The following SCN4B variants were observed in gnomAD, a reference collection of about 807,000 sequenced individuals.
The protein encoded by SCN4B is sodium channel regulatory subunit beta-4.
In SCN4B, 20 loss-of-function variants were observed where a neutral mutation model predicts 19.6. That is an observed-to-expected ratio of 1.02 (90% CI 0.72 to 1.48). SCN4B has a LOEUF of 1.48. Among genes scored for constraint, SCN4B ranks in the 40% most tolerant of loss-of-function variants. The pLI is 0.00. For missense variants in SCN4B, 271 were observed against 287.5 expected (o/e 0.94, Z 0.42); for synonymous variants, 127 against 122.8 (o/e 1.03, Z -0.22).
chr11:118,146,249 G>T (rs1028461750), intron 1 of SCN4B, among the ~76,000 whole-genome samples: 7 of 152,242 alleles, frequency 4.6e-5, no homozygotes, highest in African/African-American at 1.7e-4. Context: ...CTCCACTCAC[G>T]GCCTCCAAAC....
At chr11:118,146,730 A>G (rs1786183) in intron 1 of SCN4B, among the ~76,000 whole-genome samples, 94,480 of 151,996 alleles carry the variant, frequency 0.62, 30,354 homozygotes, top group African/African-American at 0.78. Context: ...TAACAATAGT[A>G]CTAGCTGATA....
rs752829551 is a variant in SCN4B at position 118,145,173 on chromosome 11, C to A, written c.118G>T (p.Asp40Tyr). ...SLEVSVGKAT[D>Y]IYAVNGTEIL... Reference sequence around the variant, plus strand: ...TCCGTGCCATTGACAGCGTAGATGTCGGTGGCCTTTCCCACAGACACCTCC... The same window carrying A: ...TCCGTGCCATTGACAGCGTAGATGTAGGTGGCCTTTCCCACAGACACCTCC... Residue 40 changes from aspartate (D) to tyrosine (Y), a missense_variant, in exon 2 of 5, where the codon GAC becomes TAC. Transcript: ENST00000324727. The A allele has an allele frequency of 1.2e-6, 2 of 1,614,068 alleles. No homozygotes were observed. The highest frequency in any genetic ancestry group is 2.2e-5 in the South Asian group (2 of 91,064).
In SCN4B at chr11:118,152,652, C is replaced by T. The variant is rs149868494; in HGVS notation, c.22G>A (p.Gly8Ser). 334 of 1,611,590 alleles carry T rather than the reference C, an allele frequency of 2.1e-4. 2 individuals are homozygous for T. In the East Asian group the frequency reaches 6.4e-3, roughly 31 times the overall value. MPGAGDGGKAPARWLGTG... is the reference protein window; with the variant it reads MPGAGDGSKAPARWLGTG... Reference sequence around the variant, plus strand: ...CCCAGCCATCTCGCCGGGGCTTTGCCTCCGTCCCCAGCCCCGGGCATAGTC... The same window carrying T: ...CCCAGCCATCTCGCCGGGGCTTTGCTTCCGTCCCCAGCCCCGGGCATAGTC... The change falls in exon 1 of 5, where the codon GGC (glycine) becomes AGC (serine). Residue 8 changes from glycine (G) to serine (S), a missense_variant. Gly to Ser is a moderately conservative substitution (Grantham distance 56, BLOSUM62 0). Coordinates refer to ENST00000324727, the MANE Select transcript of SCN4B (RefSeq NM_174934.4).
At position 118,133,682 on chromosome 11, in the gene SCN4B, G is replaced by A. The variant is rs3741314; in HGVS notation, c.*3345C>T. 31 of 454,570 alleles carry A rather than the reference G, an allele frequency of 6.8e-5. No homozygotes were observed. In the East Asian group the frequency reaches 1.9e-3, roughly 29 times the overall value. The allele number at this position is 454,570 out of a possible 1,614,324, so 28.2% of individuals were successfully genotyped here. A position where few individuals can be genotyped will look rare whatever the true frequency, so the allele number is the denominator to read the frequency against. ...ACTGCATATCAGGTGGGAGGTGGGA[G>A]GGTAGGGACTCCAACCTGGGACAAA... On this transcript the variant is annotated 3_prime_UTR_variant, in exon 5 of 5. Coordinates refer to ENST00000324727, the MANE Select transcript of SCN4B (RefSeq NM_174934.4).
intron 2 of SCN4B, among the ~76,000 whole-genome samples, chr11:118,144,504 AT>A (rs1948143399): frequency 2.0e-5 from 3 of 152,126 alleles, no homozygotes; most frequent in African/African-American, 7.2e-5. Flanking sequence ...TGAGGTCAGC[AT>A]TTAATTATAA....
chr11:118,135,022 G>A lies in SCN4B; in HGVS notation c.*2005C>T. The stretch of plus-strand genomic sequence containing the variant: ...CCTTGGCTTTCTCTTAAGACAGAAG[G>A]AGGAGCCCCAAGGTGCTCTGCCTCT... On this transcript the variant is annotated 3_prime_UTR_variant, in exon 5 of 5. Transcript: ENST00000324727. 1 of 454,126 alleles carries A rather than the reference G, an allele frequency of 2.2e-6. No homozygotes were observed. Among genetic ancestry groups the A allele is most frequent in the Non-Finnish European group, 4.4e-6 (1 of 226,792 alleles). The allele number at this position is 454,126 out of a possible 1,614,324, so 28.1% of individuals were successfully genotyped here. A position where few individuals can be genotyped will look rare whatever the true frequency, so the allele number is the denominator to read the frequency against.
chr11:118,145,003 G>A (rs1447694321), intron 2 of SCN4B, 54 bp downstream of exon 2: 2 of 1,563,048 alleles, frequency 1.3e-6, no homozygotes, highest in African/African-American at 1.4e-5. Flanking sequence ...AGCGTAGGAG[G>A]CGAGGCATGG....
At chr11:118,143,056 C>T (rs1948119723) in intron 3 of SCN4B, among the ~76,000 whole-genome samples, 1 of 152,218 alleles carries the variant, frequency 6.6e-6, no homozygotes, top group African/African-American at 2.4e-5. Context: ...AGTCAGGATC[C>T]TTGCGCAAGT....
At chr11:118,152,280 C>A (rs555417560) in intron 1 of SCN4B, among the ~76,000 whole-genome samples, 2 of 152,138 alleles carry the variant, frequency 1.3e-5, no homozygotes, top group African/African-American at 2.4e-5. Context: ...AGGCACGGAC[C>A]CCCCTCCTCC....
chr11:118,141,559 C>T (rs554241095), intron 3 of SCN4B: 5 of 594,314 alleles, frequency 8.4e-6, no homozygotes, highest in African/African-American at 1.9e-5. Flanking sequence ...CCCTCTCCCC[C>T]ACCCTGCACA....
In SCN4B at chr11:118,134,471, T is replaced by G. The variant is rs1337836232; in HGVS notation, c.*2556A>C. The G allele has an allele frequency of 1.3e-5, 6 of 454,100 alleles. No individual in the cohort carries two copies. The highest frequency in any genetic ancestry group is 1.8e-5 in the Non-Finnish European group (4 of 226,798). 28.1% of individuals were successfully genotyped at this position (454,100 alleles called of 1,614,324 possible). ...TTTCTCCATGGGTATAATGTTGACA[T>G]GGGACAGGATGATTCTTTGTTGTGG... On this transcript the variant is annotated 3_prime_UTR_variant, in exon 5 of 5. Transcript: ENST00000324727.
At chr11:118,150,465 C>T (rs994811676) in intron 1 of SCN4B, among the ~76,000 whole-genome samples, 2 of 152,170 alleles carry the variant, frequency 1.3e-5, no homozygotes, top group Non-Finnish European at 2.9e-5. Context: ...CTTCCACACT[C>T]ATGCCCCAGA....
At chr11:118,145,924 A>AG (rs1239093729) in intron 1 of SCN4B, among the ~76,000 whole-genome samples, 1 of 152,016 alleles carries the variant, frequency 6.6e-6, no homozygotes, top group African/African-American at 2.4e-5. Context: ...ACGGCCTGGC[A>AG]GGGGGGAACA....
At position 118,134,488 on chromosome 11, in the gene SCN4B, T is replaced by C. The variant is rs1260617908; in HGVS notation, c.*2539A>G. 1 of 454,096 alleles carries C rather than the reference T, an allele frequency of 2.2e-6. No individual in the cohort carries two copies. The highest frequency in any genetic ancestry group is 2.3e-5 in the Admixed American group (1 of 42,566). The allele number at this position is 454,096 out of a possible 1,614,324, so 28.1% of individuals were successfully genotyped here. ...TGTTGACATGGGACAGGATGATTCT[T>C]TGTTGTGGGGACTAAGTTTAGCATT... On this transcript the variant is annotated 3_prime_UTR_variant, in exon 5 of 5. Coordinates refer to ENST00000324727, the MANE Select transcript of SCN4B (RefSeq NM_174934.4).
chr11:118,144,320 C>T (rs976979799), intron 2 of SCN4B, among the ~76,000 whole-genome samples: 1 of 152,202 alleles, frequency 6.6e-6, no homozygotes, highest in Non-Finnish European at 1.5e-5. Context: ...CAGCACAGCT[C>T]TTACTGCTCT....
In SCN4B at chr11:118,135,589, C is replaced by A. The variant is rs1218037645; in HGVS notation, c.*1438G>T. The A allele has an allele frequency of 2.2e-6, 1 of 454,124 alleles. No individual in the cohort carries two copies. The highest frequency in any genetic ancestry group is 4.4e-6 in the Non-Finnish European group (1 of 226,774). 28.1% of individuals were successfully genotyped at this position (454,124 alleles called of 1,614,324 possible). ...CATCACCACCTCCCCCTAGGGCAGG[C>A]TAGAAACCCCAATGGGAGCACCTGG... On this transcript the variant is annotated 3_prime_UTR_variant, in exon 5 of 5. Transcript: ENST00000324727.
chr11:118,145,472 A>T lies in SCN4B; in HGVS notation c.62-243T>A, dbSNP rs570988613. 2.9e-4 allele frequency: 413 copies of T among 1,432,728 alleles called. 3 individuals carry two copies. In the African/African-American group the frequency reaches 5.4e-3, roughly 19 times the overall value. The allele number at this position is 1,432,728 out of a possible 1,614,324, so 88.8% of individuals were successfully genotyped here. On this transcript the variant is annotated intron_variant, in intron 1 of 4. Transcript: ENST00000324727. Reference sequence around the variant, plus strand: ...GGGAGTAGCCCTTGTTGCGCTCTGGATGACCACCAGGGGTCACCCCAACCC... The same window carrying T: ...GGGAGTAGCCCTTGTTGCGCTCTGGTTGACCACCAGGGGTCACCCCAACCC...
At position 118,152,668 on chromosome 11, in the gene SCN4B, G is replaced by T. The variant is rs779559502; in HGVS notation, c.6C>A (p.Pro2=). 1.2e-6 allele frequency: 2 copies of T among 1,610,474 alleles called. No homozygotes were observed. Among genetic ancestry groups the T allele is most frequent in the Non-Finnish European group, 8.5e-7 (1 of 1,178,104 alleles). The change falls in exon 1 of 5, where the codon CCC becomes CCA. Residue 2 remains proline (P), a synonymous_variant. Coordinates refer to ENST00000324727, the MANE Select transcript of SCN4B (RefSeq NM_174934.4). ...GGGCTTTGCCTCCGTCCCCAGCCCC[G>T]GGCATAGTCCTGTTCTCTCCGGAGC... M[P]GAGDGGKAPA... is the part of the protein sequence containing the mutation.
Position 118,145,584 on chromosome 11 carries a change from C to A in SCN4B, c.62-355G>T, listed in dbSNP as rs535854923. On this transcript the variant is annotated intron_variant, in intron 1 of 4. Coordinates refer to ENST00000324727, the MANE Select transcript of SCN4B (RefSeq NM_174934.4). ...ACGCAGTGCCTGGAAGCGCTCCTGC[C>A]GCACCCACTCCAGGACGCGCAGGGC... 3.3e-4 allele frequency: 233 copies of A among 703,794 alleles called. 2 individuals carry two copies. In the South Asian group the frequency reaches 4.0e-3, roughly 12 times the overall value. The allele number at this position is 703,794 out of a possible 1,614,324, so 43.6% of individuals were successfully genotyped here.
Sources: gnomAD v4.1 joint callset for allele counts (sites outside exome capture counted in the v4.1 genomes callset) on GRCh38, gnomAD v4.1.1 for gene constraint, MANE v1.5 for transcripts, NCBI Gene and HGNC (gene_info 2026-07-23, HGNC 2026-07-21) for gene names.